Variants in CPNE4 observed in about 807,000 individuals in gnomAD.
The protein encoded by CPNE4 is copine-4.
A neutral mutation model predicts 67.9 loss-of-function variants in CPNE4; 25 were observed. The ratio of observed to expected loss-of-function variants is 0.37; its 90% CI spans 0.27 to 0.51. The LOEUF (loss-of-function observed/expected upper bound fraction) is 0.51. CPNE4 is among the 20% of genes least tolerant of loss of function. CPNE4 has a pLI of 0.93. For missense variants in CPNE4, 464 were observed against 690.8 expected, an observed-to-expected ratio of 0.67 and a Z score of 3.68; for synonymous variants, 242 against 244.9, an observed-to-expected ratio of 0.99 and a Z score of 0.11.
chr3:131,756,970 G>A (rs1457881750), intron 2 of CPNE4, among the ~76,000 whole-genome samples: 2 of 152,158 alleles, frequency 1.3e-5, no homozygotes, highest in African/African-American at 4.8e-5. Context: ...CATGGAAGAA[G>A]TGCCTTTTGC....
At position 131,801,444 on chromosome 3, in the gene CPNE4, GTGTGTGTGTATA is replaced by G. The variant is rs1485623173; in HGVS notation, c.181-77831_181-77820del. On this transcript the variant is annotated intron_variant, in intron 2 of 15. Transcript: ENST00000429747. The stretch of plus-strand genomic sequence containing the variant: ...TGTGTGTGTGTGTGTGTGTGTGTGT[GTGTGTGTGTATA>G]TATATATATATATATATATATAATA... Among the ~76,000 whole-genome samples, 59 of 85,032 alleles carry G rather than the reference GTGTGTGTGTATA, an allele frequency of 6.9e-4. 1 individual carries two copies. Among genetic ancestry groups the G allele is most frequent in the African/African-American group, 2.1e-3 (43 of 20,330 alleles). The allele number at this position is 85,032 out of a possible 152,430, so 55.8% of individuals were successfully genotyped here.
At position 131,792,925 on chromosome 3, in the gene CPNE4, G is replaced by GTGTGTGTGTGTATATCTATA. The variant is rs58502463; in HGVS notation, c.181-69301_181-69300insTATAGATATACACACACACA. Among the ~76,000 whole-genome samples, 821 of 135,194 alleles carry GTGTGTGTGTGTATATCTATA rather than the reference G, an allele frequency of 6.1e-3. 7 individuals carry two copies. Among genetic ancestry groups the GTGTGTGTGTGTATATCTATA allele is most frequent in the African/African-American group, 0.018 (628 of 34,960 alleles). The allele number at this position is 135,194 out of a possible 152,430, so 88.7% of individuals were successfully genotyped here. On this transcript the variant is annotated intron_variant, in intron 2 of 15. Coordinates refer to ENST00000429747, the MANE Select transcript of CPNE4 (RefSeq NM_130808.3). ...TGTGTGTGTGTGTGTGTGTGTGTGT[G>GTGTGTGTGTGTATATCTATA]TATCTCCAACAAAACATGCCAAAAC...
intron 6 of CPNE4, among the ~76,000 whole-genome samples, chr3:131,670,073 G>T (rs1560086050): frequency 6.6e-6 from 1 of 152,182 alleles, no homozygotes; most frequent in Non-Finnish European, 1.5e-5. Context: ...TAAGGATAGG[G>T]CTGCCTTTGC....
chr3:131,655,996 C>T (rs2079949338), intron 7 of CPNE4, among the ~76,000 whole-genome samples: 1 of 151,480 alleles, frequency 6.6e-6, no homozygotes, highest in African/African-American at 2.4e-5. Context: ...AGATTTTAGG[C>T]CTCTTTCCCC....
chr3:131,936,152 C>T (rs1025109409), intron 1 of CPNE4, among the ~76,000 whole-genome samples: 19 of 151,918 alleles, frequency 1.3e-4, no homozygotes, highest in Non-Finnish European at 2.2e-4. Flanking sequence ...ACTCAAACTC[C>T]ATTTTTACTG....
chr3:131,689,101 C>T (rs1583025515), intron 5 of CPNE4, among the ~76,000 whole-genome samples: 1 of 152,294 alleles, frequency 6.6e-6, no homozygotes, highest in South Asian at 2.1e-4. Context: ...AATCTATACG[C>T]AGCATACTGG....
chr3:131,776,470 C>G (rs1409822906), intron 2 of CPNE4, among the ~76,000 whole-genome samples: 3 of 152,226 alleles, frequency 2.0e-5, no homozygotes, highest in South Asian at 4.2e-4. Flanking sequence ...CTGATGGCAT[C>G]TTTGTTGAAC....
rs527241781 is a variant in CPNE4 at position 131,650,885 on chromosome 3, A to C, written c.681+18790T>G. On this transcript the variant is annotated intron_variant, in intron 7 of 15. Transcript: ENST00000429747. Reference sequence around the variant, plus strand: ...AGGGTGCTTTTATTGATAGAAATGCATAGTAAAAAATGGTAAACCATTTCA... The same window carrying C: ...AGGGTGCTTTTATTGATAGAAATGCCTAGTAAAAAATGGTAAACCATTTCA... Among the ~76,000 whole-genome samples, 3 of 152,254 alleles carry C rather than the reference A, an allele frequency of 2.0e-5. No individual in the cohort carries two copies. The East Asian group carries it at 5.8e-4, about 29-fold the overall frequency.
chr3:131,714,093 G>C (rs943871466), intron 3 of CPNE4, among the ~76,000 whole-genome samples: 3 of 152,118 alleles, frequency 2.0e-5, no homozygotes, highest in African/African-American at 7.2e-5. Flanking sequence ...TGACTTCCCT[G>C]GGTCATCAAT....
At chr3:131,576,406 G>GA (rs948813052) in intron 9 of CPNE4, among the ~76,000 whole-genome samples, 16 of 149,514 alleles carry the variant, frequency 1.1e-4, no homozygotes, top group South Asian at 8.4e-4. Flanking sequence ...ACTCATGGAA[G>GA]AAAAAAAAAA....
At chr3:131,958,048 G>A (rs1310792522) in intron 1 of CPNE4, among the ~76,000 whole-genome samples, 1 of 152,178 alleles carries the variant, frequency 6.6e-6, no homozygotes, top group Non-Finnish European at 1.5e-5. Context: ...ATGGGACATT[G>A]AAATAGAATA....
At chr3:131,729,818 TA>T (rs2082086597) in intron 2 of CPNE4, among the ~76,000 whole-genome samples, 1 of 152,154 alleles carries the variant, frequency 6.6e-6, no homozygotes, top group Non-Finnish European at 1.5e-5. Flanking sequence ...TTCCTAGGAC[TA>T]AAAAAATGCC....
At chr3:131,964,770 G>C (rs1325267753) in intron 1 of CPNE4, among the ~76,000 whole-genome samples, 1 of 152,070 alleles carries the variant, frequency 6.6e-6, no homozygotes, top group African/African-American at 2.4e-5. Flanking sequence ...AAAGTGATGA[G>C]GAGAATGGAA....
chr3:131,862,950 C>T (rs1331378188), intron 2 of CPNE4, among the ~76,000 whole-genome samples: 4 of 148,274 alleles, frequency 2.7e-5, no homozygotes, highest in East Asian at 4.1e-4. Context: ...TGAGTGAGAA[C>T]ATGCGGTGTT....
Position 131,620,157 on chromosome 3 carries a change from A to T in CPNE4, c.682-32575T>A, listed in dbSNP as rs370616531. Among the ~76,000 whole-genome samples, 33 of 152,300 alleles carry T rather than the reference A, an allele frequency of 2.2e-4. No individual in the cohort carries two copies. In the East Asian group the frequency reaches 3.5e-3, roughly 16 times the overall value. ...GCTGCTCTGGTTGCATATGTTGGAGATGATTTTCATAACACTCATAGGTAA... is the reference window on the plus strand; with the variant it reads ...GCTGCTCTGGTTGCATATGTTGGAGTTGATTTTCATAACACTCATAGGTAA... On this transcript the variant is annotated intron_variant, in intron 7 of 15. Coordinates refer to ENST00000429747, the MANE Select transcript of CPNE4 (RefSeq NM_130808.3).
chr3:131,692,873 G>A (rs2081063515), intron 5 of CPNE4, among the ~76,000 whole-genome samples: 1 of 152,002 alleles, frequency 6.6e-6, no homozygotes, highest in South Asian at 2.1e-4. Flanking sequence ...CTCAAGAATG[G>A]GAAAAGAAAG....
chr3:131,944,775 T>C lies in CPNE4; in HGVS notation c.-1-39331A>G, dbSNP rs1054975482. ...AAGATGAATATTTCAGTGCTGGAAG[T>C]GTATAATCCTTCCAAAAGCTTCAAA... On this transcript the variant is annotated intron_variant, in intron 1 of 15. Transcript: ENST00000429747. 2.0e-5 allele frequency among the ~76,000 whole-genome samples: 3 copies of C among 152,048 alleles called. No homozygotes were observed. The East Asian group carries it at 5.8e-4, about 29-fold the overall frequency.
intron 7 of CPNE4, among the ~76,000 whole-genome samples, chr3:131,591,684 C>T (rs549085678): frequency 3.3e-5 from 5 of 152,132 alleles, no homozygotes; most frequent in Non-Finnish European, 7.4e-5. Context: ...AGGGCAGTTG[C>T]AGAATTTTAT....
chr3:131,547,082 TG>T (rs1004081761), intron 14 of CPNE4, among the ~76,000 whole-genome samples: 5 of 151,232 alleles, frequency 3.3e-5, no homozygotes, highest in East Asian at 1.9e-4. Context: ...AAGACCTCTG[TG>T]GTCAGAAAGA....
Sources: gnomAD v4.1 joint callset for allele counts (sites outside exome capture counted in the v4.1 genomes callset) on GRCh38, gnomAD v4.1.1 for gene constraint, MANE v1.5 for transcripts, NCBI Gene and HGNC (gene_info 2026-07-23, HGNC 2026-07-21) for gene names.